The following TLK1 variants were observed in gnomAD, a reference collection of about 807,000 sequenced individuals.
TLK1 encodes the protein tousled like kinase 1.
In TLK1, 24 loss-of-function variants were observed where a neutral mutation model predicts 105.3. That is an observed-to-expected ratio of 0.23 (90% confidence interval 0.17 to 0.32). The LOEUF is 0.32. TLK1 is among the 10% of genes least tolerant of loss of function. The probability of loss-of-function intolerance (pLI) is 1.00; values close to 1 mark genes in which losing one functional copy is unlikely to be tolerated. For synonymous variants in TLK1, 321 were observed against 310.4 expected, an observed-to-expected ratio of 1.03 and a Z score of -0.36; for missense variants, 558 against 910.5, an observed-to-expected ratio of 0.61 and a Z score of 4.98.
chr2:171,004,436 A>T (rs1339365126), intron 18 of TLK1, among the ~76,000 whole-genome samples: 1 of 152,212 alleles, frequency 6.6e-6, no homozygotes, highest in Non-Finnish European at 1.5e-5. Context: ...CTAAACAACT[A>T]ATATGACTGT....
intron 2 of TLK1, among the ~76,000 whole-genome samples, chr2:171,113,177 G>C (rs896941182): frequency 2.0e-5 from 3 of 151,772 alleles, no homozygotes; most frequent in African/African-American, 7.3e-5. Flanking sequence ...TTTTTAATGT[G>C]ATACTGGAGC....
chr2:171,175,958 C>T (rs756033248), intron 1 of TLK1, among the ~76,000 whole-genome samples: 23 of 151,806 alleles, frequency 1.5e-4, no homozygotes, highest in African/African-American at 5.1e-4. Flanking sequence ...GTTTTTGAGA[C>T]GGAGTTTCAC....
At chr2:171,037,638 T>A (rs1686434669) in intron 11 of TLK1, among the ~76,000 whole-genome samples, 1 of 152,194 alleles carries the variant, frequency 6.6e-6, no homozygotes. Context: ...TCATATGATT[T>A]TTCTATTTAT....
intron 1 of TLK1, among the ~76,000 whole-genome samples, chr2:171,133,199 C>T (rs966317836): frequency 6.6e-6 from 1 of 152,140 alleles, no homozygotes; most frequent in Non-Finnish European, 1.5e-5. Flanking sequence ...AGAGGGGAAA[C>T]ATGGGGACAT....
At chr2:171,141,824 AAG>A (rs1454308552) in intron 1 of TLK1, among the ~76,000 whole-genome samples, 1 of 152,184 alleles carries the variant, frequency 6.6e-6, no homozygotes, top group African/African-American at 2.4e-5. Flanking sequence ...AGAGAAAAAA[AAG>A]AGTATTTTCA....
chr2:171,215,924 C>G (rs1693705615), intron 1 of TLK1, among the ~76,000 whole-genome samples: 1 of 152,158 alleles, frequency 6.6e-6, no homozygotes. Context: ...ACTCATGGTT[C>G]CTCATTTTTC....
rs150054199 is a variant in TLK1 at position 171,097,794 on chromosome 2, G to A, written c.259-14942C>T. ...ACAAAATTAGCTGGGTGTTGACGGC[G>A]GGTGCCCATAATCCCTGCTACTCGG... On this transcript the variant is annotated intron_variant, in intron 2 of 20. Coordinates refer to ENST00000431350, the MANE Select transcript of TLK1 (RefSeq NM_012290.5). 1.2e-3 allele frequency among the ~76,000 whole-genome samples: 189 copies of A among 152,072 alleles called. 1 individual carries two copies. Among genetic ancestry groups the A allele is most frequent in the South Asian group, 5.2e-3 (25 of 4,806 alleles).
chr2:171,206,550 G>A (rs894208184), intron 1 of TLK1, among the ~76,000 whole-genome samples: 1 of 152,118 alleles, frequency 6.6e-6, no homozygotes, highest in Non-Finnish European at 1.5e-5. Flanking sequence ...GGCATATACG[G>A]GTTCCAACAG....
intron 2 of TLK1, among the ~76,000 whole-genome samples, chr2:171,102,411 T>C (rs549300608): frequency 6.6e-6 from 1 of 152,318 alleles, no homozygotes; most frequent in African/African-American, 2.4e-5. Flanking sequence ...AGAAAATATA[T>C]CCTTAACTTC....
intron 1 of TLK1, among the ~76,000 whole-genome samples, chr2:171,151,286 CG>C (rs1021561913): frequency 6.6e-6 from 1 of 151,294 alleles, no homozygotes; most frequent in African/African-American, 2.4e-5. Context: ...CCCTAAATGC[CG>C]GGATTACAGG....
intron 1 of TLK1, among the ~76,000 whole-genome samples, chr2:171,218,722 A>G (rs1240040668): frequency 6.6e-6 from 1 of 152,176 alleles, no homozygotes; most frequent in Non-Finnish European, 1.5e-5. Context: ...GTGGAGAGGC[A>G]AAAGTGCAAA....
At chr2:171,206,075 T>C (rs1453181062) in intron 1 of TLK1, among the ~76,000 whole-genome samples, 1 of 152,200 alleles carries the variant, frequency 6.6e-6, no homozygotes, top group Non-Finnish European at 1.5e-5. Flanking sequence ...AAAAGATTCT[T>C]ATTACATGTC....
chr2:171,225,856 G>A (rs751872823), intron 1 of TLK1, among the ~76,000 whole-genome samples: 12 of 152,104 alleles, frequency 7.9e-5, no homozygotes, highest in African/African-American at 1.4e-4. Context: ...AAGGAGCCCT[G>A]ATTTCTTTCA....
chr2:171,199,945 G>T (rs1264782594), intron 1 of TLK1, among the ~76,000 whole-genome samples: 1 of 152,168 alleles, frequency 6.6e-6, no homozygotes, highest in Non-Finnish European at 1.5e-5. Context: ...AGTAACTGCT[G>T]AGCAGAGGGC....
chr2:170,998,130 C>A lies in TLK1; in HGVS notation c.1905-307G>T, dbSNP rs1684171146. 1.3e-5 allele frequency among the ~76,000 whole-genome samples: 2 copies of A among 151,800 alleles called. 1 individual carries two copies. Among genetic ancestry groups the A allele is most frequent in the South Asian group, 4.1e-4 (2 of 4,820 alleles). On this transcript the variant is annotated intron_variant, in intron 18 of 20. Coordinates refer to ENST00000431350, the MANE Select transcript of TLK1 (RefSeq NM_012290.5). ...CCTACCACCTACCTACCTACCGAAA[C>A]AAAAACTTAAAGAGATTACAATGGT...
intron 2 of TLK1, 88 bp from the exon 3 acceptor site, chr2:171,082,940 A>T: frequency 1.2e-6 from 1 of 863,896 alleles, no homozygotes; most frequent in Non-Finnish European, 1.9e-6. Context: ...TACAAAGTAG[A>T]TAATCTATCT....
chr2:171,216,295 T>C (rs1233381193), intron 1 of TLK1, among the ~76,000 whole-genome samples: 1 of 151,906 alleles, frequency 6.6e-6, no homozygotes, highest in Non-Finnish European at 1.5e-5. Flanking sequence ...GCTAATACGG[T>C]GAAACCCTGT....
intron 14 of TLK1, among the ~76,000 whole-genome samples, chr2:171,008,144 A>G (rs188132845): frequency 4.6e-5 from 7 of 152,242 alleles, no homozygotes; most frequent in Admixed American, 1.3e-4. Context: ...CAAAACTATA[A>G]AAGTATGAGA....
chr2:171,063,130 G>A (rs1687832473), intron 3 of TLK1, among the ~76,000 whole-genome samples: 1 of 152,124 alleles, frequency 6.6e-6, no homozygotes, highest in Non-Finnish European at 1.5e-5. Flanking sequence ...CAGATCATAT[G>A]AGGTCAGGAG....
Sources: gnomAD v4.1 joint callset for allele counts (sites outside exome capture counted in the v4.1 genomes callset) on GRCh38, gnomAD v4.1.1 for gene constraint, MANE v1.5 for transcripts, NCBI Gene and HGNC (gene_info 2026-07-23, HGNC 2026-07-21) for gene names.